Variants in ETS1 observed in about 807,000 individuals in gnomAD.
ETS1 encodes the protein protein C-ets-1.
Under a neutral mutation model 58.6 loss-of-function variants are expected in ETS1, and 15 were observed. That is an observed-to-expected ratio of 0.26 (90% CI 0.17 to 0.39). ETS1 has a LOEUF of 0.39. Among genes scored for constraint, ETS1 ranks in the 10% least tolerant of loss-of-function variants. ETS1 has a pLI of 1.00. For synonymous variants in ETS1, 214 were observed against 218.2 expected (o/e 0.98, Z 0.17); for missense variants, 417 against 610.5 (o/e 0.68, Z 3.34).
chr11:128,461,315 G>A lies in ETS1; in HGVS notation c.*1046C>T, dbSNP rs1861899803. 6.5e-6 allele frequency: 1 copy of A among 152,706 alleles called. No homozygotes were observed. The highest frequency in any genetic ancestry group is 1.5e-5 in the Non-Finnish European group (1 of 68,024). The allele number at this position is 152,706 out of a possible 1,614,324, so 9.5% of individuals were successfully genotyped here. ...CCAAGTCATCTATGCTACAGATATAGGACTAAGAAAGAACCAAGTCAATCT... is the reference window on the plus strand; with the variant it reads ...CCAAGTCATCTATGCTACAGATATAAGACTAAGAAAGAACCAAGTCAATCT... On this transcript the variant is annotated 3_prime_UTR_variant, in exon 10 of 10. Coordinates refer to ENST00000392668, the MANE Select transcript of ETS1 (RefSeq NM_001143820.2).
intron 5 of ETS1, among the ~76,000 whole-genome samples, chr11:128,487,674 G>T (rs1862672907): frequency 6.6e-6 from 1 of 152,134 alleles, no homozygotes; most frequent in Non-Finnish European, 1.5e-5. Flanking sequence ...AGGAGGCGAA[G>T]GTTGCAGTGA....
chr11:128,512,832 C>A (rs533156188), intron 3 of ETS1, among the ~76,000 whole-genome samples: 6 of 152,382 alleles, frequency 3.9e-5, no homozygotes, highest in African/African-American at 1.4e-4. Flanking sequence ...AGCAGCCTAT[C>A]AAGAAGAGGC....
At chr11:128,479,196 G>C (rs926588848) in intron 8 of ETS1, among the ~76,000 whole-genome samples, 1 of 152,198 alleles carries the variant, frequency 6.6e-6, no homozygotes, top group African/African-American at 2.4e-5. Context: ...CTAAGGATCA[G>C]AGAGACACCT....
intron 3 of ETS1, among the ~76,000 whole-genome samples, chr11:128,538,994 C>G (rs114400273): frequency 2.0e-5 from 3 of 152,128 alleles, no homozygotes; most frequent in African/African-American, 7.2e-5. Context: ...TAGGGGAGAA[C>G]CAGATACACA....
intron 7 of ETS1, among the ~76,000 whole-genome samples, chr11:128,480,696 T>C (rs565376631): frequency 1.3e-5 from 2 of 152,232 alleles, no homozygotes; most frequent in East Asian, 3.9e-4. Flanking sequence ...GAACTCCAAG[T>C]ACAGAGATTC....
At chr11:128,569,994 C>T (rs59543093) in intron 2 of ETS1, among the ~76,000 whole-genome samples, 9,639 of 152,086 alleles carry the variant, frequency 0.063, 458 homozygotes, top group East Asian at 0.14. Flanking sequence ...CCAATGGAAG[C>T]CATTCAAAAT....
chr11:128,461,549 C>T lies in ETS1; in HGVS notation c.*812G>A, dbSNP rs1418877073. The stretch of plus-strand genomic sequence containing the variant: ...AGATGACATTCACACACATAATTCC[C>T]CTGTACCCAAATCAGCATTAATTGT... On this transcript the variant is annotated 3_prime_UTR_variant, in exon 10 of 10. Transcript: ENST00000392668. 2.0e-5 allele frequency: 3 copies of T among 152,572 alleles called. No individual in the cohort carries two copies. The highest frequency in any genetic ancestry group is 4.4e-5 in the Non-Finnish European group (3 of 68,004). The allele number at this position is 152,572 out of a possible 1,614,324, so 9.5% of individuals were successfully genotyped here. A position where few individuals can be genotyped will look rare whatever the true frequency, so the allele number is the denominator to read the frequency against.
chr11:128,538,165 G>A (rs551183790), intron 3 of ETS1, among the ~76,000 whole-genome samples: 8 of 152,130 alleles, frequency 5.3e-5, no homozygotes, highest in Admixed American at 2.6e-4. Flanking sequence ...AGAAACACTC[G>A]CATTAAATGA....
intron 1 of ETS1, among the ~76,000 whole-genome samples, chr11:128,577,962 C>A (rs1188220346): frequency 1.3e-5 from 2 of 151,730 alleles, no homozygotes; most frequent in Admixed American, 1.3e-4. Flanking sequence ...CTCTAAGCAC[C>A]CTCATCACCC....
intron 3 of ETS1, among the ~76,000 whole-genome samples, chr11:128,529,393 G>A (rs577759440): frequency 1.4e-3 from 215 of 152,254 alleles, no homozygotes; most frequent in African/African-American, 4.4e-3. Context: ...AGGACAGGGA[G>A]GATCAAATGG....
intron 5 of ETS1, among the ~76,000 whole-genome samples, 194 bp from the exon 6 acceptor site, chr11:128,486,340 T>G (rs1483989308): frequency 5.9e-5 from 9 of 152,188 alleles, no homozygotes; most frequent in Non-Finnish European, 1.5e-5. Context: ...AAAATATGAC[T>G]AAGGTTATTA....
At chr11:128,472,554 T>C (rs1409721303) in intron 8 of ETS1, among the ~76,000 whole-genome samples, 1 of 152,116 alleles carries the variant, frequency 6.6e-6, no homozygotes, top group Non-Finnish European at 1.5e-5. Context: ...ACACTACCTG[T>C]TCTACTCAGT....
intron 3 of ETS1, among the ~76,000 whole-genome samples, chr11:128,498,034 G>A (rs1339276833): frequency 2.0e-5 from 3 of 152,198 alleles, no homozygotes; most frequent in African/African-American, 7.2e-5. Context: ...TTTTAAATAT[G>A]TGTTTTTCTC....
At chr11:128,567,595 G>GT (rs1289738769) in intron 2 of ETS1, among the ~76,000 whole-genome samples, 1 of 138,694 alleles carries the variant, frequency 7.2e-6, no homozygotes, top group Non-Finnish European at 1.6e-5. Context: ...AGAGTGGCAA[G>GT]TTTTTTGTTT....
At chr11:128,488,086 A>G (rs1226966723) in intron 5 of ETS1, among the ~76,000 whole-genome samples, 5 of 152,184 alleles carry the variant, frequency 3.3e-5, no homozygotes, top group African/African-American at 1.2e-4. Flanking sequence ...TGAATCTGCT[A>G]TTGTGTTTAG....
At chr11:128,471,421 G>A (rs914451330) in intron 8 of ETS1, among the ~76,000 whole-genome samples, 7 of 152,218 alleles carry the variant, frequency 4.6e-5, no homozygotes, top group African/African-American at 9.7e-5. Flanking sequence ...GTGTGGGGGC[G>A]GCAGCAGGAG....
intron 2 of ETS1, among the ~76,000 whole-genome samples, chr11:128,562,965 G>GAAA (rs71916257): frequency 3.7e-5 from 4 of 107,464 alleles, no homozygotes; most frequent in Non-Finnish European, 4.1e-5. Flanking sequence ...CCCAAAAATT[G>GAAA]AAAAAAAAAA....
Position 128,489,469 on chromosome 11 carries a change from G to A in ETS1, c.356C>T (p.Thr119Ile), listed in dbSNP as rs762068945. The change falls in exon 5 of 10, where the codon ACC becomes ATC. Residue 119 changes from threonine to isoleucine, a missense_variant. This residue lies in a region of ETS1 where 132 missense variants were observed against 212.1 expected (regional missense o/e 0.62). Transcript: ENST00000392668. ...CCACATCACCCAGTCCCGAACATGG[G>A]TTTCTGTCCACTGCCGGGGGTCTGA... ...IPKDPRQWTE[T>I]HVRDWVMWAV... 5.6e-6 allele frequency: 9 copies of A among 1,613,852 alleles called. No individual in the cohort carries two copies. The South Asian group carries it at 9.9e-5, about 18-fold the overall frequency.
At chr11:128,571,184 T>A (rs556273027) in intron 2 of ETS1, among the ~76,000 whole-genome samples, 32 of 151,676 alleles carry the variant, frequency 2.1e-4, no homozygotes, top group Non-Finnish European at 4.4e-4. Flanking sequence ...ATCCCAGCAC[T>A]TTGGGAGGCC....
Sources: gnomAD v4.1 joint callset for allele counts (sites outside exome capture counted in the v4.1 genomes callset) on GRCh38, gnomAD v4.1.1 for gene constraint, gnomAD v4.1.1 regional missense constraint, MANE v1.5 for transcripts, NCBI Gene and HGNC (gene_info 2026-07-23, HGNC 2026-07-21) for gene names.